Variants in TSPAN12 observed in about 807,000 individuals in gnomAD.
TSPAN12 encodes the protein tetraspanin-12.
In TSPAN12, 19 loss-of-function variants were observed where a neutral mutation model predicts 39.2. That is an observed-to-expected ratio of 0.49 (90% confidence interval 0.34 to 0.71). TSPAN12 has a LOEUF of 0.71. Ranked by LOEUF, TSPAN12 falls within the 30% of genes least tolerant of loss-of-function variation. The pLI is 0.01. For synonymous variants in TSPAN12, 119 were observed against 124.8 expected (o/e 0.95, Z 0.31); for missense variants, 314 against 359.9 (o/e 0.87, Z 1.03).
chr7:120,855,676 T>A (rs955591441), intron 2 of TSPAN12, among the ~76,000 whole-genome samples: 1 of 152,192 alleles, frequency 6.6e-6, no homozygotes, highest in Non-Finnish European at 1.5e-5. Context: ...GATTACTCAC[T>A]GAAGTAAGAC....
At chr7:120,839,034 T>C in intron 3 of TSPAN12, 122 bp from the exon 4 acceptor site, 2 of 957,876 alleles carry the variant, frequency 2.1e-6, no homozygotes, top group South Asian at 1.4e-5. Context: ...TCAAAACTAG[T>C]GACTGCATTG....
intron 4 of TSPAN12, among the ~76,000 whole-genome samples, chr7:120,838,348 A>G (rs1749303067): frequency 1.3e-5 from 2 of 152,204 alleles, no homozygotes; most frequent in South Asian, 4.1e-4. Context: ...TAAACTATAT[A>G]AAGGCAGTGA....
rs951628163 is a variant in TSPAN12, at chr7:120,788,323, A to G, written c.*269T>C. 1 of 472,300 alleles carries G rather than the reference A, an allele frequency of 2.1e-6. No individual in the cohort carries two copies. Among genetic ancestry groups the G allele is most frequent in the African/African-American group, 2.0e-5 (1 of 51,068 alleles). The allele number at this position is 472,300 out of a possible 1,614,324, so 29.3% of individuals were successfully genotyped here. On this transcript the variant is annotated 3_prime_UTR_variant, in exon 8 of 8. Transcript: ENST00000222747. ...TAATCAAACCATGCTGCCTCAAAAC[A>G]TAACTGTGTTCAGTAAAAGTCATAC...
intron 2 of TSPAN12, among the ~76,000 whole-genome samples, chr7:120,852,382 A>G (rs1363588632): frequency 6.6e-6 from 1 of 152,178 alleles, no homozygotes; most frequent in Non-Finnish European, 1.5e-5. Flanking sequence ...CCCTCTCCAT[A>G]GTCAGAATGT....
chr7:120,845,475 C>G (rs1794653017), intron 2 of TSPAN12, among the ~76,000 whole-genome samples: 1 of 152,206 alleles, frequency 6.6e-6, no homozygotes, highest in South Asian at 2.1e-4. Flanking sequence ...TTTAGAACAT[C>G]TCTTTACTTA....
At chr7:120,836,838 G>A (rs1794485678) in intron 4 of TSPAN12, among the ~76,000 whole-genome samples, 2 of 152,170 alleles carry the variant, frequency 1.3e-5, no homozygotes, top group South Asian at 2.1e-4. Context: ...TTTGTTGTTT[G>A]TCAATTTGCA....
chr7:120,842,346 T>C (rs1441567196), intron 2 of TSPAN12, among the ~76,000 whole-genome samples: 3 of 151,836 alleles, frequency 2.0e-5, no homozygotes, highest in Non-Finnish European at 4.4e-5. Context: ...CTGGGCAAGA[T>C]TCAGAGACTG....
chr7:120,794,459 A>G (rs1584921001), intron 7 of TSPAN12, among the ~76,000 whole-genome samples: 1 of 152,074 alleles, frequency 6.6e-6, no homozygotes, highest in East Asian at 1.9e-4. Flanking sequence ...CTGTTTCTTT[A>G]AAAGTGTGTA....
At chr7:120,804,772 G>C (rs1344883083) in intron 7 of TSPAN12, among the ~76,000 whole-genome samples, 1 of 152,114 alleles carries the variant, frequency 6.6e-6, no homozygotes, top group Non-Finnish European at 1.5e-5. Context: ...CCGACTGGAG[G>C]ACAGTGGGCC....
chr7:120,804,016 G>A (rs984711927), intron 7 of TSPAN12, among the ~76,000 whole-genome samples: 1 of 152,154 alleles, frequency 6.6e-6, no homozygotes, highest in African/African-American at 2.4e-5. Flanking sequence ...GATCCGGTAA[G>A]TTGATCTCAT....
chr7:120,798,582 G>T (rs374046952), intron 7 of TSPAN12, among the ~76,000 whole-genome samples: 2 of 152,108 alleles, frequency 1.3e-5, no homozygotes, highest in African/African-American at 2.4e-5. Flanking sequence ...GTCCTAAACC[G>T]TCTTTTTATA....
At chr7:120,850,978 C>T (rs1324977129) in intron 2 of TSPAN12, among the ~76,000 whole-genome samples, 1 of 152,172 alleles carries the variant, frequency 6.6e-6, no homozygotes, top group Non-Finnish European at 1.5e-5. Context: ...GCATGAGACA[C>T]CGCGTCCGGC....
chr7:120,838,556 G>A (rs1173514582), intron 4 of TSPAN12, among the ~76,000 whole-genome samples: 4 of 152,182 alleles, frequency 2.6e-5, no homozygotes, highest in Non-Finnish European at 2.9e-5. Context: ...ATGTCAACAC[G>A]TAGCTGGAGT....
chr7:120,818,104 G>A (rs925085102), intron 4 of TSPAN12, among the ~76,000 whole-genome samples: 1 of 152,018 alleles, frequency 6.6e-6, no homozygotes, highest in South Asian at 2.1e-4. Flanking sequence ...AGCAATCCAG[G>A]AAGAGGAAAT....
chr7:120,857,343 C>G (rs1794892526), intron 1 of TSPAN12: 1 of 159,318 alleles, frequency 6.3e-6, no homozygotes, highest in South Asian at 1.7e-4. Flanking sequence ...TCCCGCAGCT[C>G]GGGTGTGAAT....
chr7:120,810,641 C>CAT (rs1235799573), intron 5 of TSPAN12, 71 bp from the exon 6 acceptor site: 7 of 797,320 alleles, frequency 8.8e-6, no homozygotes, highest in African/African-American at 5.1e-5. Flanking sequence ...CACACACACA[C>CAT]ACACACACAC....
intron 2 of TSPAN12, among the ~76,000 whole-genome samples, chr7:120,848,794 G>GC (rs1226844603): frequency 6.6e-6 from 1 of 152,134 alleles, no homozygotes; most frequent in Non-Finnish European, 1.5e-5. Context: ...AAATGTCTGA[G>GC]AACAGTTTCA....
chr7:120,826,454 T>C (rs985062949), intron 4 of TSPAN12, among the ~76,000 whole-genome samples: 3 of 152,186 alleles, frequency 2.0e-5, no homozygotes, highest in Non-Finnish European at 2.9e-5. Context: ...TCAAAAGATT[T>C]ACAGGCTGTT....
chr7:120,806,831 G>A (rs926020545), intron 6 of TSPAN12, 139 bp from the exon 7 acceptor site: 1 of 1,065,728 alleles, frequency 9.4e-7, no homozygotes, highest in Admixed American at 2.1e-5. Flanking sequence ...TACAGTCTAT[G>A]TTGATGATAG....
Sources: gnomAD v4.1 joint callset for allele counts (sites outside exome capture counted in the v4.1 genomes callset) on GRCh38, gnomAD v4.1.1 for gene constraint, MANE v1.5 for transcripts, NCBI Gene and HGNC (gene_info 2026-07-23, HGNC 2026-07-21) for gene names.